CDKAL1: variants seen among roughly 807,000 people sequenced by gnomAD.
CDKAL1 encodes threonylcarbamoyladenosine tRNA methylthiotransferase.
A neutral mutation model predicts 68.2 loss-of-function variants in CDKAL1; 32 were observed. That is an observed-to-expected ratio of 0.47 (90% CI 0.35 to 0.63). The LOEUF (loss-of-function observed/expected upper bound fraction) is 0.63. CDKAL1 is among the 30% of genes least tolerant of loss of function. CDKAL1 has a pLI of 0.00. For missense variants in CDKAL1, 606 were observed against 696.7 expected, an observed-to-expected ratio of 0.87 and a Z score of 1.47; for synonymous variants, 234 against 244.3, an observed-to-expected ratio of 0.96 and a Z score of 0.39.
chr6:20,654,101 T>C (rs530771156), intron 5 of CDKAL1, among the ~76,000 whole-genome samples: 1 of 152,176 alleles, frequency 6.6e-6, no homozygotes, highest in African/African-American at 2.4e-5. Flanking sequence ...CAGGCTGATC[T>C]CGAACTTCTG....
intron 13 of CDKAL1, among the ~76,000 whole-genome samples, chr6:21,110,013 A>G (rs754523557): frequency 2.0e-5 from 3 of 152,158 alleles, no homozygotes; most frequent in African/African-American, 7.2e-5. Flanking sequence ...TATCAAAGTC[A>G]CCTCAGATTA....
intron 5 of CDKAL1, among the ~76,000 whole-genome samples, chr6:20,699,578 T>G (rs1771251888): frequency 6.6e-6 from 1 of 152,124 alleles, no homozygotes; most frequent in African/African-American, 2.4e-5. Flanking sequence ...ACTGAAATCA[T>G]GTGTTTACCT....
At chr6:20,955,660 T>G in intron 10 of CDKAL1, 75 bp downstream of exon 10, 1 of 1,268,726 alleles carries the variant, frequency 7.9e-7, no homozygotes, top group Non-Finnish European at 1.1e-6. Flanking sequence ...CTCAGTATCA[T>G]CACATCAGCT....
At chr6:21,074,667 A>G (rs2150948374) in intron 12 of CDKAL1, among the ~76,000 whole-genome samples, 1 of 152,292 alleles carries the variant, frequency 6.6e-6, no homozygotes, top group East Asian at 1.9e-4. Context: ...GTTCTCTTAA[A>G]TTTACTAAAA....
At chr6:21,205,846 T>G (rs1778904816) in intron 15 of CDKAL1, among the ~76,000 whole-genome samples, 1 of 135,564 alleles carries the variant, frequency 7.4e-6, no homozygotes, top group Non-Finnish European at 1.6e-5. Flanking sequence ...TTTTTTTTTT[T>G]TTTTTTGAGA....
At chr6:20,939,074 G>A (rs1260836624) in intron 9 of CDKAL1, among the ~76,000 whole-genome samples, 2 of 151,924 alleles carry the variant, frequency 1.3e-5, no homozygotes, top group East Asian at 3.9e-4. Context: ...TGCTTAATAT[G>A]TTCTCAGTCA....
At chr6:20,825,579 CATT>C (rs1376911278) in intron 8 of CDKAL1, among the ~76,000 whole-genome samples, 3 of 152,048 alleles carry the variant, frequency 2.0e-5, no homozygotes, top group East Asian at 1.9e-4. Context: ...TTAATGATAA[CATT>C]ATGTCACACA....
chr6:21,036,449 C>G (rs948219905), intron 11 of CDKAL1, among the ~76,000 whole-genome samples: 1 of 152,024 alleles, frequency 6.6e-6, no homozygotes, highest in Non-Finnish European at 1.5e-5. Context: ...CTGTTTCTGA[C>G]AAAAATTTGT....
At chr6:20,612,509 G>A (rs1000949366) in intron 4 of CDKAL1, among the ~76,000 whole-genome samples, 8 of 152,094 alleles carry the variant, frequency 5.3e-5, no homozygotes, top group African/African-American at 1.7e-4. Flanking sequence ...GATTAGTGAT[G>A]TTGAGCATTT....
intron 4 of CDKAL1, among the ~76,000 whole-genome samples, chr6:20,586,896 A>C (rs906765667): frequency 1.4e-5 from 2 of 142,270 alleles, no homozygotes; most frequent in African/African-American, 5.3e-5. Flanking sequence ...TGCCGCCCTC[A>C]TTTTCTTGCT....
intron 10 of CDKAL1, among the ~76,000 whole-genome samples, chr6:20,966,485 T>C (rs1401582453): frequency 6.6e-6 from 1 of 152,218 alleles, no homozygotes; most frequent in Non-Finnish European, 1.5e-5. Flanking sequence ...AAATCACTTT[T>C]AGGATCAGAG....
intron 8 of CDKAL1, among the ~76,000 whole-genome samples, chr6:20,797,341 G>A (rs541355870): frequency 6.6e-6 from 1 of 152,294 alleles, no homozygotes; most frequent in Admixed American, 6.5e-5. Context: ...AATATTGATA[G>A]TACCAGGTAC....
rs1329270292 is a variant in CDKAL1, at chr6:20,786,118, G to A, written c.638+4853G>A. ...TGCGTGCCTGTAATCCCAGCTACTC[G>A]GGAGGCTGAGGCAGGAGAATTGCTT... On this transcript the variant is annotated intron_variant, in intron 8 of 15. Transcript: ENST00000274695. 2.6e-5 allele frequency among the ~76,000 whole-genome samples: 4 copies of A among 152,096 alleles called. 1 individual carries two copies. The highest frequency in any genetic ancestry group is 4.1e-4 in the South Asian group (2 of 4,820).
chr6:21,150,215 A>G (rs1399001277), intron 13 of CDKAL1, among the ~76,000 whole-genome samples: 1 of 152,134 alleles, frequency 6.6e-6, no homozygotes, highest in Non-Finnish European at 1.5e-5. Context: ...TTTCCCACAT[A>G]AACTGCAGGA....
chr6:20,719,207 G>T (rs780208837), intron 5 of CDKAL1, among the ~76,000 whole-genome samples: 2 of 152,178 alleles, frequency 1.3e-5, no homozygotes, highest in Non-Finnish European at 2.9e-5. Context: ...GGGCAGATGA[G>T]TTCTGTGTAC....
chr6:20,962,810 G>A (rs1377976944), intron 10 of CDKAL1, among the ~76,000 whole-genome samples: 5 of 152,138 alleles, frequency 3.3e-5, no homozygotes, highest in Admixed American at 3.3e-4. Flanking sequence ...AAATGGAAAG[G>A]AAAAATCTTT....
intron 9 of CDKAL1, among the ~76,000 whole-genome samples, chr6:20,907,655 A>C (rs996925314): frequency 6.6e-6 from 1 of 152,164 alleles, no homozygotes; most frequent in African/African-American, 2.4e-5. Context: ...GGTTTATTAC[A>C]GGAATGAGAG....
Position 20,597,907 on chromosome 6 carries a change from G to T in CDKAL1, c.286+49202G>T, listed in dbSNP as rs571468084. Among the ~76,000 whole-genome samples, 12 of 152,302 alleles carry T rather than the reference G, an allele frequency of 7.9e-5. No homozygotes were observed. In the South Asian group the frequency reaches 2.3e-3, roughly 29 times the overall value. Reference sequence around the variant, plus strand: ...GGCTTTAGACACGATTGAAATAAATGTCTTTCTTAATTGCAGACCGTGAGA... The same window carrying T: ...GGCTTTAGACACGATTGAAATAAATTTCTTTCTTAATTGCAGACCGTGAGA... On this transcript the variant is annotated intron_variant, in intron 4 of 15. Coordinates refer to ENST00000274695, the MANE Select transcript of CDKAL1 (RefSeq NM_017774.3).
At chr6:20,578,795 G>T (rs1765020037) in intron 4 of CDKAL1, among the ~76,000 whole-genome samples, 1 of 152,178 alleles carries the variant, frequency 6.6e-6, no homozygotes, top group Non-Finnish European at 1.5e-5. Flanking sequence ...TTTGACAAAA[G>T]AAACTGTCTT....
Sources: gnomAD v4.1 joint callset for allele counts (sites outside exome capture counted in the v4.1 genomes callset) on GRCh38, gnomAD v4.1.1 for gene constraint, MANE v1.5 for transcripts, NCBI Gene and HGNC (gene_info 2026-07-23, HGNC 2026-07-21) for gene names.